The following FSD1L variants were observed in gnomAD, a reference collection of about 807,000 sequenced individuals.
FSD1L encodes fibronectin type III and SPRY domain containing 1 like.
Under a neutral mutation model 71.6 loss-of-function variants are expected in FSD1L, and 45 were observed. The ratio of observed to expected loss-of-function variants is 0.63; its 90% CI spans 0.49 to 0.81. The LOEUF (loss-of-function observed/expected upper bound fraction) is 0.81. Among genes scored for constraint, FSD1L ranks in the 30% least tolerant of loss-of-function variants. The pLI is 0.00. For missense variants in FSD1L, 561 were observed against 618.1 expected, an observed-to-expected ratio of 0.91 and a Z score of 0.98; for synonymous variants, 197 against 207.2, an observed-to-expected ratio of 0.95 and a Z score of 0.42.
intron 3 of FSD1L, among the ~76,000 whole-genome samples, chr9:105,467,518 G>C (rs1831162488): frequency 6.6e-6 from 1 of 152,092 alleles, no homozygotes; most frequent in Non-Finnish European, 1.5e-5. Flanking sequence ...CATGTTACTA[G>C]TAACTAATTG....
intron 6 of FSD1L, among the ~76,000 whole-genome samples, chr9:105,481,179 G>GTGTGTGTGTGTGT (rs71364100): frequency 9.2e-4 from 106 of 115,326 alleles, no homozygotes; most frequent in East Asian, 3.1e-3. Context: ...GTGTGTGTGT[G>GTGTGTGTGTGTGT]GTTCTTTTTT....
At chr9:105,510,586 T>G (rs1020767674) in intron 9 of FSD1L, among the ~76,000 whole-genome samples, 1 of 152,136 alleles carries the variant, frequency 6.6e-6, no homozygotes, top group African/African-American at 2.4e-5. Context: ...TTCATATACT[T>G]CCACTTAAGG....
At chr9:105,448,304 G>A in intron 1 of FSD1L, 69 bp downstream of exon 1, 1 of 1,407,908 alleles carries the variant, frequency 7.1e-7, no homozygotes, top group Non-Finnish European at 9.4e-7. Context: ...CGGGGCGCCT[G>A]GGCCCGTGGG....
intron 12 of FSD1L, among the ~76,000 whole-genome samples, chr9:105,535,722 TA>T (rs1164225174): frequency 6.6e-6 from 1 of 152,120 alleles, no homozygotes; most frequent in African/African-American, 2.4e-5. Flanking sequence ...ATGTGATTAT[TA>T]CACATTGCAT....
chr9:105,487,274 A>G (rs1832613153), intron 7 of FSD1L, among the ~76,000 whole-genome samples: 1 of 152,134 alleles, frequency 6.6e-6, no homozygotes, highest in Non-Finnish European at 1.5e-5. Flanking sequence ...AGGTGCCACT[A>G]TCTCTTGAGG....
chr9:105,452,711 C>CTTCCTTCT (rs1181407677), intron 1 of FSD1L, among the ~76,000 whole-genome samples: 83 of 149,026 alleles, frequency 5.6e-4, no homozygotes, highest in African/African-American at 1.8e-3. Context: ...TCCTTCCTTC[C>CTTCCTTCT]TTCCTTCTTT....
At chr9:105,478,410 A>C (rs1831952697) in intron 5 of FSD1L, among the ~76,000 whole-genome samples, 1 of 152,190 alleles carries the variant, frequency 6.6e-6, no homozygotes, top group Non-Finnish European at 1.5e-5. Context: ...CATTCAAATA[A>C]GTTTAATAAT....
Position 105,546,445 on chromosome 9 carries a change from G to A in FSD1L, c.1555G>A (p.Gly519Ser). ...TCAGAAAAGTGAAAATGGAATGACT[G>A]GTTCAGCTAGCAGCCTGAACAATGT... Reference protein sequence around the residue: ...TLQKSENGMTGSASSLNNVVT... With the variant: ...TLQKSENGMTSSASSLNNVVT... The change falls in exon 14 of 14, where the codon GGT becomes AGT. Residue 519 changes from glycine (G) to serine (S), a missense_variant. Gly to Ser is a moderately conservative substitution (Grantham distance 56). Around this residue, in one of 3 missense-constraint regions of FSD1L, gnomAD observed 98 missense variants for 102.3 expected, o/e 0.96. Coordinates refer to ENST00000481272, the MANE Select transcript of FSD1L (RefSeq NM_001145313.3). 3.2e-6 allele frequency: 5 copies of A among 1,550,060 alleles called. No individual in the cohort carries two copies. The highest frequency in any genetic ancestry group is 4.4e-6 in the Non-Finnish European group (5 of 1,145,982).
chr9:105,503,079 G>A (rs951721625), intron 7 of FSD1L, among the ~76,000 whole-genome samples: 3 of 151,466 alleles, frequency 2.0e-5, no homozygotes, highest in African/African-American at 7.3e-5. Flanking sequence ...AGTGAGATGG[G>A]GTCTCACTTT....
chr9:105,533,062 T>C (rs1043714959), intron 10 of FSD1L, among the ~76,000 whole-genome samples: 1 of 152,206 alleles, frequency 6.6e-6, no homozygotes, highest in Non-Finnish European at 1.5e-5. Context: ...TGATCTTTTC[T>C]TAGGAAGAAA....
In FSD1L at chr9:105,546,848, C is replaced by G. The variant is rs1837034708; in HGVS notation, c.*365C>G. On this transcript the variant is annotated 3_prime_UTR_variant, in exon 14 of 14. Coordinates refer to ENST00000481272, the MANE Select transcript of FSD1L (RefSeq NM_001145313.3). ...AAAGCTTTTAAATCTTGCCTTCTTTCTTCTGTACTTTGTCTTTTTAAAATC... is the reference window on the plus strand; with the variant it reads ...AAAGCTTTTAAATCTTGCCTTCTTTGTTCTGTACTTTGTCTTTTTAAAATC... The G allele has an allele frequency of 6.5e-6, 1 of 154,488 alleles. No individual in the cohort carries two copies. Among genetic ancestry groups the G allele is most frequent in the African/African-American group, 2.4e-5 (1 of 41,514 alleles). The allele number at this position is 154,488 out of a possible 1,614,324, so 9.6% of individuals were successfully genotyped here.
At chr9:105,464,001 G>A (rs1830890054) in intron 2 of FSD1L, among the ~76,000 whole-genome samples, 1 of 152,072 alleles carries the variant, frequency 6.6e-6, no homozygotes, top group African/African-American at 2.4e-5. Context: ...AATCTGAAAA[G>A]TATCATGGTG....
In FSD1L at chr9:105,471,977, A is replaced by G. The variant is rs1831506868; in HGVS notation, c.413A>G (p.Asp138Gly). Reference protein sequence around the residue: ...ELLEFATRSLDIKEPEEFSKA... With the variant: ...ELLEFATRSLGIKEPEEFSKA... ...TTAGAATTTGCAACAAGGTCATTAGATATAAAGGAACCTGAAGAATTTTCA... is the reference window on the plus strand; with the variant it reads ...TTAGAATTTGCAACAAGGTCATTAGGTATAAAGGAACCTGAAGAATTTTCA... Residue 138 changes from aspartate to glycine, a missense_variant, in exon 5 of 14, where the codon GAT becomes GGT. Asp to Gly is a moderately conservative substitution (Grantham distance 94). Transcript: ENST00000481272. 2.1e-6 allele frequency: 3 copies of G among 1,445,358 alleles called. No individual in the cohort carries two copies. The highest frequency in any genetic ancestry group is 3.0e-5 in the South Asian group (2 of 66,072). 89.5% of individuals were successfully genotyped at this position (1,445,358 alleles called of 1,614,324 possible). A position where few individuals can be genotyped will look rare whatever the true frequency, so the allele number is the denominator to read the frequency against.
chr9:105,467,762 C>T (rs572981919), intron 3 of FSD1L, among the ~76,000 whole-genome samples: 10 of 152,246 alleles, frequency 6.6e-5, no homozygotes, highest in African/African-American at 2.4e-4. Context: ...AAGTGTTCCT[C>T]GGAATTACTG....
intron 13 of FSD1L, among the ~76,000 whole-genome samples, chr9:105,546,102 C>T (rs1039717298): frequency 1.3e-5 from 2 of 151,954 alleles, no homozygotes; most frequent in African/African-American, 4.8e-5. Flanking sequence ...TTCTCAATTT[C>T]TGCACCCCTG....
At chr9:105,523,839 T>C in intron 10 of FSD1L, 1 of 1,597,568 alleles carries the variant, frequency 6.3e-7, no homozygotes, top group South Asian at 1.1e-5. Context: ...CAAACACTGC[T>C]CACCTCAATT....
chr9:105,448,099 G>A lies in FSD1L; in HGVS notation c.-122G>A. The A allele has an allele frequency of 3.6e-6, 4 of 1,124,060 alleles. No individual in the cohort carries two copies. Among genetic ancestry groups the A allele is most frequent in the Non-Finnish European group, 2.6e-6 (2 of 770,706 alleles). 69.6% of individuals were successfully genotyped at this position (1,124,060 alleles called of 1,614,324 possible). On this transcript the variant is annotated 5_prime_UTR_variant, in exon 1 of 14. Transcript: ENST00000481272. Reference sequence around the variant, plus strand: ...GTCTGGGCGCGGACGGGTGGGGCCGGGCGGTGCCGGTGCGGGCTGGGGCAG... The same window carrying A: ...GTCTGGGCGCGGACGGGTGGGGCCGAGCGGTGCCGGTGCGGGCTGGGGCAG...
intron 1 of FSD1L, among the ~76,000 whole-genome samples, chr9:105,458,373 C>G (rs946239572): frequency 1.3e-5 from 2 of 152,194 alleles, no homozygotes; most frequent in East Asian, 3.9e-4. Context: ...TGTTACAGCC[C>G]TTTCTGCGCC....
chr9:105,458,623 C>T (rs144116171), intron 1 of FSD1L, among the ~76,000 whole-genome samples: 3 of 152,136 alleles, frequency 2.0e-5, no homozygotes, highest in African/African-American at 7.2e-5. Context: ...GCTGATTGGT[C>T]CATGGGTGGG....
Sources: allele counts gnomAD v4.1 joint callset (sites outside exome capture counted in the v4.1 genomes callset), GRCh38; gene constraint gnomAD v4.1.1; regional missense constraint gnomAD v4.1.1; transcripts MANE v1.5; gene names NCBI Gene and HGNC (gene_info 2026-07-23, HGNC 2026-07-21).